Variants in PCDH15 observed in about 807,000 individuals in gnomAD.
The protein encoded by PCDH15 is protocadherin-15.
PCDH15 carries 129 observed loss-of-function variants against 178.5 expected under a neutral mutation model. The observed-to-expected ratio is 0.72, with a 90% CI of 0.63 to 0.84. The LOEUF (loss-of-function observed/expected upper bound fraction) is 0.84. PCDH15 is among the 40% of genes least tolerant of loss of function. PCDH15 has a pLI of 0.00. For synonymous variants in PCDH15, 800 were observed against 732.0 expected (o/e 1.09, Z -1.50); for missense variants, 2,230 against 2,099.9 (o/e 1.06, Z -1.21).
intron 3 of PCDH15, among the ~76,000 whole-genome samples, chr10:54,465,560 A>T (rs914270834): frequency 6.6e-6 from 1 of 152,070 alleles, no homozygotes; most frequent in Non-Finnish European, 1.5e-5. Context: ...TGTTGCTGCA[A>T]CTAGTGTTAT....
chr10:53,975,803 G>T (rs1328432234), intron 21 of PCDH15, among the ~76,000 whole-genome samples: 1 of 152,014 alleles, frequency 6.6e-6, no homozygotes, highest in Non-Finnish European at 1.5e-5. Flanking sequence ...TTTTGTTTTT[G>T]TTGTAATTGC....
At chr10:55,581,647 A>AT (rs1842616528) in intron 2 of PCDH15, among the ~76,000 whole-genome samples, 1 of 152,276 alleles carries the variant, frequency 6.6e-6, no homozygotes, top group African/African-American at 2.4e-5. Flanking sequence ...TTAAAACTTA[A>AT]TTTTAGTTCC....
intron 2 of PCDH15, among the ~76,000 whole-genome samples, chr10:55,604,442 A>G (rs1843161303): frequency 6.9e-6 from 1 of 143,924 alleles, no homozygotes. Flanking sequence ...CGGAATATAC[A>G]TTTTTTTCAG....
At position 54,513,227 on chromosome 10, in the gene PCDH15, T is replaced by C. The variant is rs2081881885; in HGVS notation, c.157+14585A>G. ...TTCTTTGATTTGGCCAAATATTCCATTTCATTTATTTTTGTTTATTTATTT... is the reference window on the plus strand; with the variant it reads ...TTCTTTGATTTGGCCAAATATTCCACTTCATTTATTTTTGTTTATTTATTT... On this transcript the variant is annotated intron_variant, in intron 3 of 37. Transcript: ENST00000644397. 3.4e-5 allele frequency among the ~76,000 whole-genome samples: 5 copies of C among 149,026 alleles called. No individual in the cohort carries two copies. The South Asian group carries it at 8.5e-4, about 25-fold the overall frequency.
intron 2 of PCDH15, chr10:55,575,502 C>CA (rs1488449856): frequency 1.3e-5 from 2 of 151,982 alleles, no homozygotes; most frequent in Non-Finnish European, 2.9e-5. Context: ...TGGAAAACAA[C>CA]AAAAAATAAT....
At chr10:54,253,990 A>G (rs1228044471) in intron 8 of PCDH15, among the ~76,000 whole-genome samples, 1 of 152,128 alleles carries the variant, frequency 6.6e-6, no homozygotes, top group African/African-American at 2.4e-5. Flanking sequence ...GGAAAAATAC[A>G]CTAGCAGTAA....
intron 18 of PCDH15, among the ~76,000 whole-genome samples, chr10:54,027,907 A>C (rs956059289): frequency 1.3e-5 from 2 of 150,200 alleles, no homozygotes; most frequent in African/African-American, 4.9e-5. Flanking sequence ...TAAAACACCA[A>C]AAGCAATGGC....
chr10:54,333,462 G>A (rs978988020), intron 6 of PCDH15, among the ~76,000 whole-genome samples: 1 of 151,168 alleles, frequency 6.6e-6, no homozygotes, highest in African/African-American at 2.4e-5. Flanking sequence ...GTATCTTTAT[G>A]ATAGTCTTCT....
chr10:53,829,167 G>A (rs114729926), intron 30 of PCDH15, among the ~76,000 whole-genome samples: 1 of 152,046 alleles, frequency 6.6e-6, no homozygotes, highest in Non-Finnish European at 1.5e-5. Context: ...ACAAATGTTA[G>A]GTCTTTAAAT....
chr10:54,585,971 C>G (rs1445158407), intron 2 of PCDH15, among the ~76,000 whole-genome samples: 1 of 152,008 alleles, frequency 6.6e-6, no homozygotes, highest in Non-Finnish European at 1.5e-5. Flanking sequence ...GTGCAGATAG[C>G]CCTGCCCGAG....
chr10:54,559,077 GA>G (rs1157933778), intron 2 of PCDH15, among the ~76,000 whole-genome samples: 1 of 151,968 alleles, frequency 6.6e-6, no homozygotes, highest in African/African-American at 2.4e-5. Flanking sequence ...GAAGACACAC[GA>G]AGGCCTCTGC....
rs145419044 is a variant in PCDH15, at chr10:53,892,227, A to G, written c.3501+11016T>C. 5.2e-3 allele frequency among the ~76,000 whole-genome samples: 788 copies of G among 151,766 alleles called. 6 individuals carry two copies. Among genetic ancestry groups the G allele is most frequent in the African/African-American group, 0.018 (757 of 41,398 alleles). ...TTTTTAGTAGAGACTGGGTTTCACC[A>G]TCTTGGCCAGGCTGGTCTTGAACTC... On this transcript the variant is annotated intron_variant, in intron 26 of 37. Transcript: ENST00000644397.
At chr10:55,085,939 A>T (rs1842158424) in intron 2 of PCDH15, among the ~76,000 whole-genome samples, 1 of 151,730 alleles carries the variant, frequency 6.6e-6, no homozygotes, top group Admixed American at 6.6e-5. Context: ...GTATTTGAAT[A>T]AATATTCTTA....
intron 8 of PCDH15, among the ~76,000 whole-genome samples, chr10:54,238,677 T>TCTCTCTCACACA (rs1186937599): frequency 1.4e-5 from 2 of 144,262 alleles, no homozygotes; most frequent in African/African-American, 2.7e-5. Context: ...TCTCTCTCTC[T>TCTCTCTCACACA]CACACACACA....
intron 23 of PCDH15, among the ~76,000 whole-genome samples, chr10:53,946,839 G>A (rs553410624): frequency 7.2e-5 from 11 of 152,234 alleles, no homozygotes; most frequent in Middle Eastern, 3.4e-3. Flanking sequence ...GTGCAGTGGC[G>A]CGATCTCGGC....
At chr10:54,968,149 C>T (rs749506234) in intron 2 of PCDH15, among the ~76,000 whole-genome samples, 7 of 152,094 alleles carry the variant, frequency 4.6e-5, no homozygotes, top group Non-Finnish European at 7.4e-5. Flanking sequence ...TAATGGTAGA[C>T]GTATATATGT....
At chr10:54,612,862 T>C (rs1565743838) in intron 2 of PCDH15, among the ~76,000 whole-genome samples, 1 of 151,800 alleles carries the variant, frequency 6.6e-6, no homozygotes, top group Non-Finnish European at 1.5e-5. Context: ...CTTTGCAATG[T>C]CCATCTTAAT....
chr10:55,219,472 T>C (rs1840806197), intron 1 of PCDH15, among the ~76,000 whole-genome samples: 1 of 151,912 alleles, frequency 6.6e-6, no homozygotes, highest in Non-Finnish European at 1.5e-5. Flanking sequence ...TACTTTATTA[T>C]TGCTTTTTTC....
At chr10:54,674,568 A>G (rs914197659) in intron 1 of PCDH15, among the ~76,000 whole-genome samples, 3 of 152,090 alleles carry the variant, frequency 2.0e-5, no homozygotes, top group African/African-American at 4.8e-5. Flanking sequence ...TTATCTTATA[A>G]ATCTACATGG....
Sources: allele counts gnomAD v4.1 joint callset (sites outside exome capture counted in the v4.1 genomes callset), GRCh38; gene constraint gnomAD v4.1.1; transcripts MANE v1.5; gene names NCBI Gene and HGNC (gene_info 2026-07-23, HGNC 2026-07-21).